The following WLS variants were observed in gnomAD, a reference collection of about 807,000 sequenced individuals.
The protein encoded by WLS is protein wntless homolog.
Under a neutral mutation model 62.8 loss-of-function variants are expected in WLS, and 23 were observed. That is an observed-to-expected ratio of 0.37 (90% CI 0.26 to 0.52). The LOEUF is 0.52. Among genes scored for constraint, WLS ranks in the 20% least tolerant of loss-of-function variants. WLS has a pLI of 0.92. For missense variants in WLS, 615 were observed against 697.3 expected (o/e 0.88, Z 1.33); for synonymous variants, 246 against 244.1 (o/e 1.01, Z -0.07).
intron 11 of WLS, 24 bp from the exon 12 acceptor site, chr1:68,126,359 G>C (rs767487440): frequency 6.2e-7 from 1 of 1,613,530 alleles, no homozygotes; most frequent in Non-Finnish European, 8.5e-7. Flanking sequence ...TTCGGTGTTA[G>C]ATGCATTCAA....
At chr1:68,155,064 C>T in intron 4 of WLS, 35 bp downstream of exon 4, 2 of 1,603,014 alleles carry the variant, frequency 1.2e-6, no homozygotes, top group Non-Finnish European at 1.7e-6. Context: ...AGTTCCCCTC[C>T]AATACACATG....
chr1:68,232,275 T>C lies in WLS; in HGVS notation c.25A>G (p.Met9Val), dbSNP rs746323384. ...ACAATGCACAGCTTCTTGGTGCTCA[T>C]GTTTTCTATAATTGCCCCAGCCATT... Reference protein sequence around the residue: MAGAIIENMSTKKLCIVGG... With the variant: MAGAIIENVSTKKLCIVGG... Residue 9 changes from methionine to valine, a missense_variant, in exon 1 of 12, where the codon ATG becomes GTG. By Grantham distance (21) the Met-to-Val change is conservative (BLOSUM62 1). Transcript: ENST00000262348. The C allele has an allele frequency of 2.5e-6, 4 of 1,613,970 alleles. No homozygotes were observed. The highest frequency in any genetic ancestry group is 3.3e-5 in the Admixed American group (2 of 59,988).
chr1:68,118,327 A>G (rs1646320184), intron 11 of WLS, among the ~76,000 whole-genome samples: 2 of 152,234 alleles, frequency 1.3e-5, no homozygotes, highest in African/African-American at 2.4e-5. Context: ...CAATTTCTGC[A>G]TCTTGAAGTT....
chr1:68,118,691 T>C (rs1321347511), intron 11 of WLS, among the ~76,000 whole-genome samples: 1 of 151,576 alleles, frequency 6.6e-6, no homozygotes, highest in African/African-American at 2.4e-5. Flanking sequence ...CTGGCCAACA[T>C]GGTGAAACCC....
rs749314493 is a variant in WLS, at chr1:68,232,223, ATTT to A, written c.74_76del (p.Gln25_Ile26delinsLeu). 1 of 1,614,166 alleles carries A rather than the reference ATTT, an allele frequency of 6.2e-7. No homozygotes were observed. The highest frequency in any genetic ancestry group is 1.1e-5 in the South Asian group (1 of 91,084). ...CAAGCCTCCCACCAGAAAGGCGATG[ATTT>A]GGAACACGAGCAGAATCCCACCAAC... On this transcript the variant is annotated inframe_deletion, in exon 1 of 12. Transcript: ENST00000262348.
chr1:68,209,421 T>G (rs1247909935), intron 1 of WLS, among the ~76,000 whole-genome samples: 1 of 152,236 alleles, frequency 6.6e-6, no homozygotes, highest in African/African-American at 2.4e-5. Flanking sequence ...TACCACTTGT[T>G]GGATATTTTT....
At chr1:68,230,349 G>C (rs1398462310) in intron 1 of WLS, among the ~76,000 whole-genome samples, 1 of 152,028 alleles carries the variant, frequency 6.6e-6, no homozygotes, top group Non-Finnish European at 1.5e-5. Flanking sequence ...TTTAATTATG[G>C]TCTGCCACTG....
chr1:68,104,402 T>C (rs527541132), intron 11 of WLS, among the ~76,000 whole-genome samples: 1 of 152,292 alleles, frequency 6.6e-6, no homozygotes, highest in East Asian at 1.9e-4. Flanking sequence ...TGCAGCTGAA[T>C]ATCACATTTG....
chr1:68,195,904 T>A (rs189823411), intron 1 of WLS, among the ~76,000 whole-genome samples: 1 of 152,046 alleles, frequency 6.6e-6, no homozygotes, highest in Admixed American at 6.6e-5. Context: ...ATTTAAATTA[T>A]AGTTGATTGA....
At chr1:68,164,473 G>C (rs1203488699) in intron 2 of WLS, among the ~76,000 whole-genome samples, 1 of 152,110 alleles carries the variant, frequency 6.6e-6, no homozygotes, top group Non-Finnish European at 1.5e-5. Context: ...GGTCAGGCTG[G>C]TCTTGAACTC....
At chr1:68,185,703 C>T (rs1357345489) in intron 2 of WLS, among the ~76,000 whole-genome samples, 1 of 152,246 alleles carries the variant, frequency 6.6e-6, no homozygotes, top group African/African-American at 2.4e-5. Flanking sequence ...TCCATGAAAC[C>T]GGTCCCTGGT....
At chr1:68,190,987 G>C (rs904287086) in intron 2 of WLS, among the ~76,000 whole-genome samples, 3 of 151,776 alleles carry the variant, frequency 2.0e-5, no homozygotes, top group Non-Finnish European at 2.9e-5. Context: ...GATCACGGGA[G>C]GTGGAGGTTG....
At chr1:68,205,900 A>T (rs950242379) in intron 1 of WLS, among the ~76,000 whole-genome samples, 2 of 152,210 alleles carry the variant, frequency 1.3e-5, no homozygotes, top group Non-Finnish European at 2.9e-5. Flanking sequence ...TCACATATGA[A>T]AGTTCTCAAA....
At chr1:68,168,562 G>T (rs1647097183) in intron 2 of WLS, among the ~76,000 whole-genome samples, 1 of 152,200 alleles carries the variant, frequency 6.6e-6, no homozygotes, top group Non-Finnish European at 1.5e-5. Context: ...GAGAGGACAA[G>T]ATATATTAGA....
intron 2 of WLS, among the ~76,000 whole-genome samples, chr1:68,166,469 G>T (rs549668023): frequency 3.9e-4 from 60 of 152,274 alleles, no homozygotes; most frequent in Middle Eastern, 6.8e-3. Flanking sequence ...AAGAACATAT[G>T]GCTAGTAAAC....
chr1:68,174,689 A>T (rs1647206058), intron 2 of WLS, among the ~76,000 whole-genome samples: 1 of 152,062 alleles, frequency 6.6e-6, no homozygotes, highest in African/African-American at 2.4e-5. Flanking sequence ...CTTTCCCTTA[A>T]AATCATTGCT....
intron 11 of WLS, among the ~76,000 whole-genome samples, chr1:68,129,821 G>GA (rs1240559135): frequency 1.3e-5 from 2 of 152,116 alleles, no homozygotes; most frequent in East Asian, 1.9e-4. Context: ...TCTCAGACAA[G>GA]AAAAAACCCT....
At chr1:68,117,646 G>C (rs905798571) in intron 11 of WLS, 3 of 152,290 alleles carry the variant, frequency 2.0e-5, no homozygotes, top group Non-Finnish European at 4.4e-5. Context: ...TGCAGCTCTC[G>C]TGTTTCCTCT....
At chr1:68,116,790 T>C (rs991185168) in intron 11 of WLS, among the ~76,000 whole-genome samples, 3 of 152,200 alleles carry the variant, frequency 2.0e-5, no homozygotes, top group Non-Finnish European at 4.4e-5. Flanking sequence ...ATCTATTTCT[T>C]TCAAGATAAA....
Sources: allele counts gnomAD v4.1 joint callset (sites outside exome capture counted in the v4.1 genomes callset), GRCh38; gene constraint gnomAD v4.1.1; transcripts MANE v1.5; gene names NCBI Gene and HGNC (gene_info 2026-07-23, HGNC 2026-07-21).